ERICH1: variants seen among roughly 807,000 people sequenced by gnomAD.
The protein encoded by ERICH1 is glutamate-rich protein 1.
In ERICH1, 56 loss-of-function variants were observed where a neutral mutation model predicts 39.6. The observed-to-expected ratio is 1.41, with a 90% CI of 1.14 to 1.77. The LOEUF is 1.77. Among genes scored for constraint, ERICH1 ranks in the 40% most tolerant of loss-of-function variants. The pLI, the probability that ERICH1 is intolerant of heterozygous loss-of-function variation, is 0.00. For synonymous variants in ERICH1, 313 were observed against 223.6 expected (o/e 1.40, Z -3.57); for missense variants, 826 against 575.4 (o/e 1.44, Z -4.45).
At chr8:698,027 C>A (rs1585418416) in intron 2 of ERICH1, among the ~76,000 whole-genome samples, 1 of 152,254 alleles carries the variant, frequency 6.6e-6, no homozygotes, top group South Asian at 2.1e-4. Context: ...GTACCTGTGA[C>A]ATGGAGCCCT....
At chr8:726,368 G>A (rs555814727) in intron 1 of ERICH1, among the ~76,000 whole-genome samples, 12 of 142,392 alleles carry the variant, frequency 8.4e-5, no homozygotes, top group South Asian at 6.9e-4. Flanking sequence ...ATACACAGGC[G>A]CACATGCATG....
In ERICH1 at chr8:715,874, A is replaced by C. The variant is rs149571419; in HGVS notation, c.156T>G (p.Ala52=). Residue 52 remains alanine (A), a synonymous_variant, in exon 2 of 6, where the codon GCT becomes GCG. Transcript: ENST00000262109. ...VTSEKVSQKH[A]EPLTDTGSET... ...AGACAAACTCACCTGTCAAAGGCTCAGCATGTTTCTGGCTCACTTTCTCAG... is the reference window on the plus strand; with the variant it reads ...AGACAAACTCACCTGTCAAAGGCTCCGCATGTTTCTGGCTCACTTTCTCAG... 175 of 1,613,004 alleles carry C rather than the reference A, an allele frequency of 1.1e-4. No individual in the cohort carries two copies. In the African/African-American group the frequency reaches 2.1e-3, roughly 20 times the overall value.
At chr8:728,901 T>C (rs1042051387) in intron 1 of ERICH1, among the ~76,000 whole-genome samples, 6 of 151,542 alleles carry the variant, frequency 4.0e-5, no homozygotes, top group African/African-American at 1.5e-4. Flanking sequence ...TTATATTGCC[T>C]AGCAGAAACA....
intron 2 of ERICH1, among the ~76,000 whole-genome samples, chr8:709,355 A>G (rs921945293): frequency 2.0e-5 from 3 of 152,220 alleles, no homozygotes; most frequent in Admixed American, 1.3e-4. Context: ...AAGCAGGGGC[A>G]GCATCTGCAC....
rs1040249413 is a variant in ERICH1 at position 615,377 on chromosome 8, A to C, written c.977-93T>G. On this transcript the variant is annotated intron_variant, in intron 3 of 3. Coordinates refer to the ERICH1 transcript ENST00000522706. ...ATGTGTGCCGATTGCTGGGATAAAG[A>C]GATAACTAAGATTAGTCTTCCTAAG... The C allele has an allele frequency of 1.8e-5, 10 of 570,736 alleles. No homozygotes were observed. In the South Asian group the frequency reaches 2.4e-4, roughly 13 times the overall value. 35.4% of individuals were successfully genotyped at this position (570,736 alleles called of 1,614,324 possible).
chr8:682,690 T>A (rs1806402357), intron 3 of ERICH1, among the ~76,000 whole-genome samples: 1 of 152,206 alleles, frequency 6.6e-6, no homozygotes, highest in Non-Finnish European at 1.5e-5. Context: ...TCACAATGTG[T>A]CAAAACTCTC....
Position 668,755 on chromosome 8 carries a change from A to G in ERICH1, c.1101T>C (p.Asp367=). The G allele has an allele frequency of 3.1e-6, 5 of 1,612,798 alleles. No homozygotes were observed. The highest frequency in any genetic ancestry group is 4.2e-6 in the Non-Finnish European group (5 of 1,179,144). Residue 367 remains aspartate, a synonymous_variant, in exon 5 of 6, where the codon GAT becomes GAC. Transcript: ENST00000262109. Reference sequence around the variant, plus strand: ...GGCGGTCCAGCAGCTCCTCAGCGGCATCTGCGAGGGCAGCTGAAGCTGCAT... The same window carrying G: ...GGCGGTCCAGCAGCTCCTCAGCGGCGTCTGCGAGGGCAGCTGAAGCTGCAT... ...SRDAASAALA[D]AAEELLDRLA...
At position 715,972 on chromosome 8, in the gene ERICH1, G is replaced by A. The variant is rs565378212; in HGVS notation, c.58C>T (p.Pro20Ser). Residue 20 changes from proline (P) to serine (S), a missense_variant, in exon 2 of 6, where the codon CCT becomes TCT. Transcript: ENST00000262109. ...VEKVLQRLFP[P>S]VPSGQGKREP... Reference sequence around the variant, plus strand: ...CTCTTTCCTTGGCCACTTGGAACAGGAGGAAAAAGTCTCTGCAGCACCTTC... The same window carrying A: ...CTCTTTCCTTGGCCACTTGGAACAGAAGGAAAAAGTCTCTGCAGCACCTTC... 1.2e-5 allele frequency: 19 copies of A among 1,613,228 alleles called. No individual in the cohort carries two copies. Among genetic ancestry groups the A allele is most frequent in the South Asian group, 7.7e-5 (7 of 90,922 alleles).
intron 3 of ERICH1, among the ~76,000 whole-genome samples, chr8:632,721 A>G (rs1345441510): frequency 6.6e-6 from 1 of 152,236 alleles, no homozygotes; most frequent in African/African-American, 2.4e-5. Context: ...GAGACACACA[A>G]ACTCAGACAG....
chr8:628,460 C>T (rs1563165720), intron 3 of ERICH1, among the ~76,000 whole-genome samples: 1 of 152,252 alleles, frequency 6.6e-6, no homozygotes, highest in African/African-American at 2.4e-5. Context: ...CAACTACTCC[C>T]CTGCAGAGGG....
At chr8:727,955 G>A (rs1369236895) in intron 1 of ERICH1, among the ~76,000 whole-genome samples, 12 of 152,164 alleles carry the variant, frequency 7.9e-5, no homozygotes, top group South Asian at 2.1e-4. Context: ...AGCAGGCGGT[G>A]AGGACAGGCC....
chr8:657,056 AT>A (rs1262884888), intron 3 of ERICH1, among the ~76,000 whole-genome samples: 8 of 152,184 alleles, frequency 5.3e-5, no homozygotes, highest in African/African-American at 1.9e-4. Flanking sequence ...ATAAATATGG[AT>A]TTTTTTATAC....
At chr8:636,492 G>T (rs1014437363) in intron 3 of ERICH1, among the ~76,000 whole-genome samples, 1 of 152,224 alleles carries the variant, frequency 6.6e-6, no homozygotes, top group Middle Eastern at 3.2e-3. Context: ...TCAGAATCGG[G>T]GCATCTGCCT....
At chr8:636,187 G>C (rs550126436) in intron 3 of ERICH1, among the ~76,000 whole-genome samples, 1 of 152,116 alleles carries the variant, frequency 6.6e-6, no homozygotes, top group Admixed American at 6.6e-5. Flanking sequence ...CACTGCCCTG[G>C]GCCGAGCTGA....
intron 1 of ERICH1, among the ~76,000 whole-genome samples, chr8:724,907 G>C (rs116395369): frequency 6.6e-6 from 1 of 152,052 alleles, no homozygotes; most frequent in Non-Finnish European, 1.5e-5. Flanking sequence ...CCCGGACCAC[G>C]AGGGAGCCAC....
At chr8:700,301 G>C in intron 2 of ERICH1, among the ~76,000 whole-genome samples, 1 of 71,706 alleles carries the variant, frequency 1.4e-5, no homozygotes, top group African/African-American at 4.3e-5. Flanking sequence ...GCCCGGACAC[G>C]CGCACAGACC....
chr8:653,957 G>A (rs142260135), intron 3 of ERICH1, among the ~76,000 whole-genome samples: 15 of 152,250 alleles, frequency 9.9e-5, no homozygotes, highest in East Asian at 1.9e-4. Flanking sequence ...GACAAATCCC[G>A]CAGGGTGGCA....
At chr8:640,861 T>G (rs1703887) in intron 3 of ERICH1, 2 of 152,010 alleles carry the variant, frequency 1.3e-5, no homozygotes, top group African/African-American at 4.8e-5. Flanking sequence ...ATTGAAAATA[T>G]TAGAAATTGT....
chr8:703,031 T>C (rs1812502941), intron 2 of ERICH1, among the ~76,000 whole-genome samples: 1 of 152,152 alleles, frequency 6.6e-6, no homozygotes, highest in Admixed American at 6.5e-5. Context: ...ACAATGCACA[T>C]GAGCTGCGTG....
Sources: allele counts gnomAD v4.1 joint callset (sites outside exome capture counted in the v4.1 genomes callset), GRCh38; gene constraint gnomAD v4.1.1; transcripts MANE v1.5; gene names NCBI Gene and HGNC (gene_info 2026-07-23, HGNC 2026-07-21).